Variants in SPAG16 observed in about 807,000 individuals in gnomAD.
The protein encoded by SPAG16 is sperm associated antigen 16.
In SPAG16, 86 loss-of-function variants were observed where a neutral mutation model predicts 80.4. The observed-to-expected ratio is 1.07, with a 90% CI of 0.90 to 1.28. The LOEUF (loss-of-function observed/expected upper bound fraction) is 1.28. SPAG16 is among the 50% of genes most tolerant of loss of function. The probability of loss-of-function intolerance (pLI) is 0.00; values close to 1 mark genes in which losing one functional copy is unlikely to be tolerated. For synonymous variants in SPAG16, 294 were observed against 265.9 expected (o/e 1.11, Z -1.03); for missense variants, 870 against 765.3 (o/e 1.14, Z -1.61).
intron 10 of SPAG16, among the ~76,000 whole-genome samples, chr2:213,848,749 G>A (rs573637010): frequency 3.9e-5 from 6 of 152,098 alleles, no homozygotes; most frequent in African/African-American, 1.2e-4. Flanking sequence ...GCAAGTTATC[G>A]CCCCTTGCAG....
intron 1 of SPAG16, among the ~76,000 whole-genome samples, chr2:213,295,446 A>G (rs116315370): frequency 0.013 from 1,958 of 152,154 alleles, 21 homozygotes; most frequent in Middle Eastern, 0.024. Flanking sequence ...TATGATTGCT[A>G]TATACTTTAT....
intron 10 of SPAG16, among the ~76,000 whole-genome samples, chr2:213,803,551 AC>A (rs754005975): frequency 3.9e-5 from 6 of 152,262 alleles, no homozygotes; most frequent in East Asian, 3.9e-4. Flanking sequence ...AAAGAAAAAA[AC>A]GTTTGAAAAA....
At chr2:213,805,936 G>A (rs577790836) in intron 10 of SPAG16, among the ~76,000 whole-genome samples, 3 of 152,256 alleles carry the variant, frequency 2.0e-5, no homozygotes, top group East Asian at 1.9e-4. Flanking sequence ...ATAGTAAAAC[G>A]TCATTCCTTT....
At chr2:213,871,510 C>A (rs1427357) in intron 11 of SPAG16, among the ~76,000 whole-genome samples, 90,117 of 151,524 alleles carry the variant, frequency 0.59, 28,665 homozygotes, top group South Asian at 0.85. Flanking sequence ...ATTTCTAAGA[C>A]TATGGAAGGA....
At chr2:214,035,371 C>A (rs1411513046) in intron 13 of SPAG16, among the ~76,000 whole-genome samples, 1 of 152,210 alleles carries the variant, frequency 6.6e-6, no homozygotes, top group Non-Finnish European at 1.5e-5. Flanking sequence ...AGCCTGTCTG[C>A]TTTCTGCTGC....
intron 10 of SPAG16, among the ~76,000 whole-genome samples, chr2:213,688,684 A>G (rs2064802796): frequency 6.6e-6 from 1 of 152,080 alleles, no homozygotes. Context: ...CTTCAATCCC[A>G]TTGCATTTAT....
At chr2:213,422,417 T>C (rs2125442796) in intron 9 of SPAG16, 1 of 635,356 alleles carries the variant, frequency 1.6e-6, no homozygotes, top group East Asian at 2.7e-5. Flanking sequence ...GCACAGTGGC[T>C]GGACCTGGTT....
intron 14 of SPAG16, among the ~76,000 whole-genome samples, chr2:214,113,713 G>A (rs1173715088): frequency 6.6e-6 from 1 of 152,128 alleles, no homozygotes; most frequent in Non-Finnish European, 1.5e-5. Context: ...ATTCTAGTTA[G>A]CCATTCATCT....
At chr2:214,190,993 A>G (rs1341210847) in intron 15 of SPAG16, among the ~76,000 whole-genome samples, 1 of 152,206 alleles carries the variant, frequency 6.6e-6, no homozygotes, top group African/African-American at 2.4e-5. Flanking sequence ...TATTCAATTT[A>G]TAGTAAATGG....
intron 10 of SPAG16, among the ~76,000 whole-genome samples, chr2:213,736,305 T>C (rs2067278776): frequency 6.6e-6 from 1 of 152,084 alleles, no homozygotes; most frequent in Non-Finnish European, 1.5e-5. Context: ...TTTTTTTTTC[T>C]TTTTTTGAGA....
In SPAG16 at chr2:214,179,970, A is replaced by T. The variant is rs540953001; in HGVS notation, c.1720+30704A>T. ...ACTAAGCCATTCTGGGTTAGCAGTT[A>T]TTCAGGAAAAGACTGTCAATTTTAT... On this transcript the variant is annotated intron_variant, in intron 15 of 15. Transcript: ENST00000331683. Among the ~76,000 whole-genome samples the T allele has an allele frequency of 4.6e-5, 7 of 151,686 alleles. No individual in the cohort carries two copies. In the South Asian group the frequency reaches 1.2e-3, roughly 27 times the overall value.
intron 10 of SPAG16, among the ~76,000 whole-genome samples, chr2:213,588,798 G>C (rs1276528816): frequency 1.1e-5 from 1 of 91,322 alleles, no homozygotes; most frequent in Non-Finnish European, 2.0e-5. Context: ...GACAGAGCGA[G>C]ACTCCGTCTC....
intron 15 of SPAG16, among the ~76,000 whole-genome samples, chr2:214,327,411 T>A (rs1696571093): frequency 6.6e-6 from 1 of 152,220 alleles, no homozygotes; most frequent in African/African-American, 2.4e-5. Flanking sequence ...ATAAAAATTA[T>A]AATTCTTTTG....
chr2:213,559,139 G>A (rs560381705), intron 10 of SPAG16, among the ~76,000 whole-genome samples: 21 of 152,096 alleles, frequency 1.4e-4, no homozygotes, highest in Admixed American at 6.6e-4. Context: ...TTCTTTTGAC[G>A]CAATAAGAAG....
intron 15 of SPAG16, among the ~76,000 whole-genome samples, chr2:214,302,753 G>A (rs1694645918): frequency 6.6e-6 from 1 of 152,140 alleles, no homozygotes; most frequent in African/African-American, 2.4e-5. Flanking sequence ...GAAGTGCTGG[G>A]ATTACAGGTG....
At chr2:213,449,023 A>T (rs2071525522) in intron 9 of SPAG16, among the ~76,000 whole-genome samples, 1 of 152,204 alleles carries the variant, frequency 6.6e-6, no homozygotes. Flanking sequence ...GAGAGATATC[A>T]TCAAATTCTT....
rs567020456 is a variant in SPAG16 at position 213,520,392 on chromosome 2, C to T, written c.1070+30302C>T. 1.5e-4 allele frequency among the ~76,000 whole-genome samples: 23 copies of T among 151,924 alleles called. No individual in the cohort carries two copies. In the South Asian group the frequency reaches 4.6e-3, roughly 30 times the overall value. On this transcript the variant is annotated intron_variant, in intron 10 of 15. Coordinates refer to ENST00000331683, the MANE Select transcript of SPAG16 (RefSeq NM_024532.5). ...ACGAGGTCAGGAGATTGAGACCATCCTGGCTAACACGGTGAAACCCCGTCT... is the reference window on the plus strand; with the variant it reads ...ACGAGGTCAGGAGATTGAGACCATCTTGGCTAACACGGTGAAACCCCGTCT...
chr2:213,864,442 C>A (rs2075604536), intron 11 of SPAG16, among the ~76,000 whole-genome samples: 1 of 152,086 alleles, frequency 6.6e-6, no homozygotes, highest in Admixed American at 6.5e-5. Flanking sequence ...ATACTCTAAT[C>A]TGTAGTTGAT....
intron 11 of SPAG16, among the ~76,000 whole-genome samples, chr2:213,899,274 C>G (rs1371196255): frequency 6.6e-6 from 1 of 151,946 alleles, no homozygotes; most frequent in Non-Finnish European, 1.5e-5. Context: ...CTCCTGTACT[C>G]TAAAGGCTAC....
Sources: allele counts gnomAD v4.1 joint callset (sites outside exome capture counted in the v4.1 genomes callset), GRCh38; gene constraint gnomAD v4.1.1; transcripts MANE v1.5; gene names NCBI Gene and HGNC (gene_info 2026-07-23, HGNC 2026-07-21).